Variants in TEX11 observed in about 807,000 individuals in gnomAD.
TEX11 encodes testis-expressed protein 11.
A neutral mutation model predicts 84.4 loss-of-function variants in TEX11; 7 were observed. That is an observed-to-expected ratio of 0.08 (90% CI 0.05 to 0.16). The LOEUF (loss-of-function observed/expected upper bound fraction) is 0.16. TEX11 is among the 10% of genes least tolerant of loss of function. The pLI is 1.00. For missense variants in TEX11, 551 were observed against 660.5 expected (o/e 0.83, Z 1.82); for synonymous variants, 264 against 222.8 (o/e 1.18, Z -1.64).
intron 13 of TEX11, among the ~76,000 whole-genome samples, chrX:70,684,834 CTG>C (rs2090174535): frequency 9.0e-6 from 1 of 110,821 alleles, no homozygotes; most frequent in Admixed American, 9.6e-5. Context: ...ACAAAAGACT[CTG>C]TGCCAAAGCA....
chrX:70,890,200 A>G (rs2091730141), intron 2 of TEX11, among the ~76,000 whole-genome samples: 1 of 112,160 alleles, frequency 8.9e-6, no homozygotes, highest in African/African-American at 3.2e-5. Flanking sequence ...ATATACTGAT[A>G]AAGAGGTTAA....
At chrX:70,747,489 A>G (rs2090776237) in intron 9 of TEX11, among the ~76,000 whole-genome samples, 1 of 112,391 alleles carries the variant, frequency 8.9e-6, no homozygotes, top group Non-Finnish European at 1.9e-5. Flanking sequence ...ACTTGCTACA[A>G]TATATTTTCC....
chrX:70,610,377 G>T (rs1603139942), intron 21 of TEX11, 126 bp downstream of exon 21: 1 of 610,422 alleles, frequency 1.6e-6, no homozygotes, highest in Non-Finnish European at 2.5e-6. Flanking sequence ...CTGTGGCAAA[G>T]ATTAATAAGG....
chrX:70,769,586 T>G (rs2090960187), intron 9 of TEX11, among the ~76,000 whole-genome samples: 2 of 111,587 alleles, frequency 1.8e-5, no homozygotes, highest in Non-Finnish European at 1.9e-5. Context: ...TACAAGGACA[T>G]ATATAAAAAA....
At chrX:70,539,328 C>T (rs1013313657) in intron 28 of TEX11, among the ~76,000 whole-genome samples, 7 of 109,782 alleles carry the variant, frequency 6.4e-5, no homozygotes, top group African/African-American at 2.3e-4. Context: ...GCCACCGTGC[C>T]CGGCCGGAAG....
chrX:70,897,680 AAAGAAAG>A (rs1436720530), intron 2 of TEX11: 522 of 12,378 alleles, frequency 0.042, 6 homozygotes, highest in African/African-American at 0.09. Context: ...AAAGAAAGAA[AAAGAAAG>A]AAAGAAAGAA....
chrX:70,649,561 C>A, intron 17 of TEX11, among the ~76,000 whole-genome samples: 1 of 111,761 alleles, frequency 8.9e-6, no homozygotes, highest in Non-Finnish European at 1.9e-5. Flanking sequence ...CATGTATTTA[C>A]CATATAAGTC....
chrX:70,649,436 A>G lies in TEX11; in HGVS notation c.1483+2014T>C, dbSNP rs141409139. Among the ~76,000 whole-genome samples the G allele has an allele frequency of 1.4e-3, 153 of 112,324 alleles. No homozygotes were observed. In the East Asian group the frequency reaches 0.02, roughly 15 times the overall value. On this transcript the variant is annotated intron_variant, in intron 17 of 29. Transcript: ENST00000374333. Reference sequence around the variant, plus strand: ...ATGGCTAAATTTTTTTAAGTGGACAATTTCAAGTGCTGATGAGGATGTAGA... The same window carrying G: ...ATGGCTAAATTTTTTTAAGTGGACAGTTTCAAGTGCTGATGAGGATGTAGA...
chrX:70,859,304 G>T (rs2091555371), intron 5 of TEX11, among the ~76,000 whole-genome samples: 1 of 109,615 alleles, frequency 9.1e-6, no homozygotes, highest in Non-Finnish European at 1.9e-5. Context: ...AGGGCTGGGT[G>T]TGGTGGCTCA....
intron 2 of TEX11, among the ~76,000 whole-genome samples, chrX:70,886,466 C>T (rs1399796866): frequency 9.0e-6 from 1 of 111,247 alleles, no homozygotes; most frequent in South Asian, 3.8e-4. Context: ...TACTAAGCAA[C>T]GGGCATAATG....
intron 24 of TEX11, among the ~76,000 whole-genome samples, chrX:70,595,413 A>G (rs1451203208): frequency 9.0e-6 from 1 of 111,563 alleles, no homozygotes; most frequent in Non-Finnish European, 1.9e-5. Flanking sequence ...AAAATACTTA[A>G]AATTCTATAA....
chrX:70,771,307 T>G (rs1197962894), intron 9 of TEX11, among the ~76,000 whole-genome samples: 3 of 112,405 alleles, frequency 2.7e-5, no homozygotes, highest in Non-Finnish European at 5.6e-5. Context: ...AAAGAAGTAA[T>G]GTCATTAAAT....
At chrX:70,687,632 C>A (rs1328765870) in intron 13 of TEX11, among the ~76,000 whole-genome samples, 1 of 111,276 alleles carries the variant, frequency 9.0e-6, no homozygotes, top group Non-Finnish European at 1.9e-5. Flanking sequence ...AAAAATAACT[C>A]AACAGATGAG....
intron 29 of TEX11, among the ~76,000 whole-genome samples, chrX:70,529,445 C>T (rs1247974569): frequency 1.8e-5 from 2 of 112,024 alleles, no homozygotes; most frequent in Non-Finnish European, 3.8e-5. Flanking sequence ...CCTGGTTAGC[C>T]AATGGCCCAG....
At chrX:70,593,884 G>A in intron 24 of TEX11, among the ~76,000 whole-genome samples, 2 of 111,273 alleles carry the variant, frequency 1.8e-5, no homozygotes, top group Middle Eastern at 9.2e-3. Flanking sequence ...AGTAAAACAT[G>A]GGACACCATT....
At position 70,696,459 on chromosome X, in the gene TEX11, C is replaced by A. The variant is rs755558561; in HGVS notation, c.1005-13634G>T. Reference sequence around the variant, plus strand: ...TTCTATTGCTGTTGTAAAACATTGCCACAAACTTAGTGATTTAAAACAAAA... The same window carrying A: ...TTCTATTGCTGTTGTAAAACATTGCAACAAACTTAGTGATTTAAAACAAAA... On this transcript the variant is annotated intron_variant, in intron 13 of 29. Transcript: ENST00000374333. 2.7e-5 allele frequency among the ~76,000 whole-genome samples: 3 copies of A among 111,747 alleles called. No homozygotes were observed. In the South Asian group the frequency reaches 1.1e-3, roughly 42 times the overall value.
Position 70,749,833 on chromosome X carries a change from A to T in TEX11, c.693-5614T>A, listed in dbSNP as rs1019839211. 3.6e-5 allele frequency among the ~76,000 whole-genome samples: 4 copies of T among 110,032 alleles called. No homozygotes were observed. In the South Asian group the frequency reaches 1.2e-3, roughly 33 times the overall value. On this transcript the variant is annotated intron_variant, in intron 9 of 29. Transcript: ENST00000374333. ...GCTGGATTTGTTTTGCCAGTATTTT[A>T]TCGAGGATTTTTGCATCAATGTTCA...
chrX:70,598,084 G>A (rs954688136), intron 24 of TEX11, among the ~76,000 whole-genome samples: 3 of 111,960 alleles, frequency 2.7e-5, no homozygotes, highest in Non-Finnish European at 3.8e-5. Context: ...GGGAGGCTGA[G>A]GCAGGAGAAT....
At chrX:70,534,751 T>C (rs2087934366) in intron 28 of TEX11, among the ~76,000 whole-genome samples, 2 of 112,217 alleles carry the variant, frequency 1.8e-5, no homozygotes, top group Non-Finnish European at 3.8e-5. Context: ...GTAAATAGTA[T>C]GTGCATCAGC....
Sources: allele counts gnomAD v4.1 joint callset (sites outside exome capture counted in the v4.1 genomes callset), GRCh38; gene constraint gnomAD v4.1.1; transcripts MANE v1.5; gene names NCBI Gene and HGNC (gene_info 2026-07-23, HGNC 2026-07-21).